IRGM: variants seen among roughly 807,000 people sequenced by gnomAD.
IRGM encodes immunity related GTPase M.
For missense variants in IRGM, 288 were observed against 219.9 expected, an observed-to-expected ratio of 1.31 and a Z score of -1.96; for synonymous variants, 98 against 80.6, an observed-to-expected ratio of 1.22 and a Z score of -1.16.
At chr5:150,861,227 TGG>T (rs1684387571) in intron 1 of IRGM, among the ~76,000 whole-genome samples, 1 of 152,202 alleles carries the variant, frequency 6.6e-6, no homozygotes, top group Non-Finnish European at 1.5e-5. Context: ...GGATTTTACA[TGG>T]GGCTGTCATT....
chr5:150,848,417 C>G lies in IRGM; in HGVS notation c.294C>G (p.Thr98=), dbSNP rs949292031. The G allele has an allele frequency of 6.4e-7, 1 of 1,551,836 alleles. No individual in the cohort carries two copies. Among genetic ancestry groups the G allele is most frequent in the Non-Finnish European group, 8.7e-7 (1 of 1,146,980 alleles). Residue 98 remains threonine (T), a synonymous_variant, in exon 2 of 2, where the codon ACC becomes ACG. Coordinates refer to ENST00000522154, the MANE Select transcript of IRGM (RefSeq NM_001145805.2). ...ACCTGCCTGGCACAGGGTCTGCCAC[C>G]ACAACCCTGGAGAACTACCTGATGG... ...LWDLPGTGSA[T]TTLENYLMEM...
chr5:150,902,331 TAAGA>T (rs1755019951), downstream of IRGM, among the ~76,000 whole-genome samples: 2 of 152,192 alleles, frequency 1.3e-5, no homozygotes, highest in Non-Finnish European at 2.9e-5. Context: ...AAATATAATT[TAAGA>T]ATGGCTTTTT....
chr5:150,863,067 G>A (rs1234369409), intron 1 of IRGM, among the ~76,000 whole-genome samples: 1 of 152,230 alleles, frequency 6.6e-6, no homozygotes, highest in Admixed American at 6.5e-5. Flanking sequence ...GGAATGGAAT[G>A]ATAATAAAAT....
downstream of IRGM, among the ~76,000 whole-genome samples, chr5:150,851,555 G>C (rs1753975800): frequency 6.6e-6 from 1 of 152,108 alleles, no homozygotes; most frequent in Non-Finnish European, 1.5e-5. Flanking sequence ...TTGTTCCTTT[G>C]AGAAGATGAT....
At chr5:150,858,215 T>C (rs1270434324) in intron 1 of IRGM, among the ~76,000 whole-genome samples, 5 of 152,216 alleles carry the variant, frequency 3.3e-5, no homozygotes, top group Admixed American at 2.0e-4. Flanking sequence ...TTGTCAGGTT[T>C]GTCAAAGATC....
downstream of IRGM, among the ~76,000 whole-genome samples, chr5:150,853,183 T>A (rs1197433140): frequency 6.6e-6 from 1 of 152,170 alleles, no homozygotes; most frequent in Non-Finnish European, 1.5e-5. Context: ...TTTTTCTTAT[T>A]TAACCCATTG....
At chr5:150,848,858 C>T (rs1753930195), downstream of IRGM, among the ~76,000 whole-genome samples, 1 of 152,014 alleles carries the variant, frequency 6.6e-6, no homozygotes, top group African/African-American at 2.4e-5. Context: ...GGCAAGGCTG[C>T]TTGCTTCGAA....
rs1034120694 is a variant in IRGM at position 150,848,387 on chromosome 5, G to A, written c.264G>A (p.Leu88=). 9.7e-6 allele frequency: 15 copies of A among 1,551,688 alleles called. No individual in the cohort carries two copies. The African/African-American group carries it at 1.5e-4, about 16-fold the overall frequency. The stretch of plus-strand genomic sequence containing the variant: ...CTTCCCACTTTTCAAATGTGGTGTT[G>A]TGGGACCTGCCTGGCACAGGGTCTG... ...YFSSHFSNVV[L]WDLPGTGSAT... The change falls in exon 2 of 2, where the codon TTG becomes TTA. Residue 88 remains leucine, a synonymous_variant. Transcript: ENST00000522154.
At chr5:150,882,166 C>T (rs1453118994) in intron 3 of IRGM, among the ~76,000 whole-genome samples, 1 of 151,386 alleles carries the variant, frequency 6.6e-6, no homozygotes, top group Non-Finnish European at 1.5e-5. Flanking sequence ...CTGCAGTGAG[C>T]CATGATCATG....
chr5:150,847,263 G>A (rs1753881903), intron 1 of IRGM, 43 bp downstream of exon 1: 1 of 152,376 alleles, frequency 6.6e-6, no homozygotes, highest in Non-Finnish European at 1.5e-5. Flanking sequence ...AGTAAGCAAT[G>A]GGAATTGGAT....
At chr5:150,898,301 CT>C (rs1754870236) in intron 3 of IRGM, 1 of 1,588,754 alleles carries the variant, frequency 6.3e-7, no homozygotes, top group African/African-American at 1.3e-5. Flanking sequence ...AAGGCATAAC[CT>C]CCATTTGCAA....
rs60800371 is a variant in IRGM at position 150,847,809 on chromosome 5, T to TTTTGTTTGTTTGTTTG, written c.-304_-303insGTTTGTTTGTTTGTTT. ...TTTTTGCCACACCATAAGCATTGGG[T>TTTTGTTTGTTTGTTTG]TTTGTTTGTTTTGAGATGGAGTCTT... On this transcript the variant is annotated 5_prime_UTR_variant, in exon 2 of 2. An upstream open reading frame in the 5' UTR loses its in-frame stop. Coordinates refer to ENST00000522154, the MANE Select transcript of IRGM (RefSeq NM_001145805.2). The TTTTGTTTGTTTGTTTG allele has an allele frequency of 1.0e-4, 28 of 276,856 alleles. No individual in the cohort carries two copies. Among genetic ancestry groups the TTTTGTTTGTTTGTTTG allele is most frequent in the South Asian group, 9.0e-4 (18 of 19,936 alleles). 17.1% of individuals were successfully genotyped at this position (276,856 alleles called of 1,614,324 possible). A position where few individuals can be genotyped will look rare whatever the true frequency, so the allele number is the denominator to read the frequency against.
downstream of IRGM, among the ~76,000 whole-genome samples, chr5:150,852,773 A>G (rs1246262350): frequency 6.6e-6 from 1 of 152,054 alleles, no homozygotes; most frequent in Non-Finnish European, 1.5e-5. Context: ...AACTCTAGGA[A>G]CAAGCAGAAG....
intron 1 of IRGM, among the ~76,000 whole-genome samples, chr5:150,873,411 T>C (rs1438183549): frequency 6.6e-6 from 1 of 152,126 alleles, no homozygotes; most frequent in East Asian, 1.9e-4. Flanking sequence ...CTACCAACAA[T>C]TTATGCTGTT....
chr5:150,865,674 G>A lies in IRGM; in HGVS notation c.159-12306G>A, dbSNP rs1754197876. Among the ~76,000 whole-genome samples, 8 of 152,190 alleles carry A rather than the reference G, an allele frequency of 5.3e-5. No homozygotes were observed. In the South Asian group the frequency reaches 1.7e-3, roughly 31 times the overall value. On this transcript the variant is annotated intron_variant and NMD_transcript_variant, in intron 1 of 3. Transcript: ENST00000520549. ...ATCAGCAACCAACAAATATTAACAG[G>A]CTTGTTCTTTATGGGAAAACACGCC...
Position 150,847,983 on chromosome 5 carries a change from T to G in IRGM, c.-141T>G, listed in dbSNP as rs1753901120. ...CACGCGCAGCTAATTTTTTTGTATTTTAGTAGAGAAGGTTTCACGATGTTG... is the reference window on the plus strand; with the variant it reads ...CACGCGCAGCTAATTTTTTTGTATTGTAGTAGAGAAGGTTTCACGATGTTG... On this transcript the variant is annotated 5_prime_UTR_variant, in exon 2 of 2. Transcript: ENST00000522154. The G allele has an allele frequency of 7.6e-6, 5 of 659,710 alleles. No individual in the cohort carries two copies. The highest frequency in any genetic ancestry group is 1.0e-5 in the Non-Finnish European group (4 of 390,144). 40.9% of individuals were successfully genotyped at this position (659,710 alleles called of 1,614,324 possible).
chr5:150,878,810 G>A (rs1754404347), intron 2 of IRGM, among the ~76,000 whole-genome samples: 1 of 151,504 alleles, frequency 6.6e-6, no homozygotes, highest in Non-Finnish European at 1.5e-5. Flanking sequence ...AATTTGTTAT[G>A]AGAATAATTA....
intron 1 of IRGM, among the ~76,000 whole-genome samples, chr5:150,858,162 G>A (rs1234144421): frequency 6.6e-6 from 1 of 151,556 alleles, no homozygotes; most frequent in African/African-American, 2.4e-5. Context: ...AGTTTTCCCA[G>A]CACCATTTAT....
At chr5:150,897,869 T>C in intron 3 of IRGM, 1 of 527,254 alleles carries the variant, frequency 1.9e-6, no homozygotes, top group Non-Finnish European at 3.0e-6. Flanking sequence ...ACAACAAATA[T>C]AAACATATAT....
Sources: gnomAD v4.1 joint callset for allele counts (sites outside exome capture counted in the v4.1 genomes callset) on GRCh38, gnomAD v4.1.1 for gene constraint, MANE v1.5 for transcripts, NCBI Gene and HGNC (gene_info 2026-07-23, HGNC 2026-07-21) for gene names.